The following PADI6 variants were observed in gnomAD, a reference collection of about 807,000 sequenced individuals.
PADI6 encodes peptidyl arginine deiminase 6.
In PADI6, 66 loss-of-function variants were observed where a neutral mutation model predicts 78.2. The observed-to-expected ratio is 0.84, with a 90% CI of 0.69 to 1.04. The LOEUF is 1.04. PADI6 is among the 50% of genes least tolerant of loss of function. The pLI is 0.00. For missense variants in PADI6, 854 were observed against 866.1 expected (o/e 0.99, Z 0.18); for synonymous variants, 397 against 346.9 (o/e 1.14, Z -1.60).
intron 6 of PADI6, among the ~76,000 whole-genome samples, chr1:17,386,789 G>C (rs1156745262): frequency 6.6e-6 from 1 of 152,196 alleles, no homozygotes; most frequent in African/African-American, 2.4e-5. Context: ...AGTCCATCGG[G>C]AGGGCTGCTG....
chr1:17,401,403 C>A lies in PADI6; in HGVS notation c.2050C>A (p.Pro684Thr), dbSNP rs752901541. The stretch of plus-strand genomic sequence containing the variant: ...TGCCTGTGCCAACATCCGCCGGGTG[C>A]CCTTTGCCTTCAAATGGTGGAAGAT... ...ICACANIRRV[P>T]FAFKWWKMVP Residue 684 changes from proline to threonine, a missense_variant, in exon 16 of 16, where the codon CCC (proline) becomes ACC (threonine). Pro to Thr is a conservative substitution (Grantham distance 38, BLOSUM62 -1). Transcript: ENST00000619609. 1 of 1,614,046 alleles carries A rather than the reference C, an allele frequency of 6.2e-7. No individual in the cohort carries two copies. Among genetic ancestry groups the A allele is most frequent in the South Asian group, 1.1e-5 (1 of 91,072 alleles).
At chr1:17,373,029 A>G (rs1385994470) in intron 1 of PADI6, 27 bp from the exon 2 acceptor site, 10 of 1,607,550 alleles carry the variant, frequency 6.2e-6, no homozygotes, top group Non-Finnish European at 8.5e-6. Flanking sequence ...TTGTGCCCTG[A>G]CGCGTGTCTC....
At chr1:17,391,013 T>C (rs1246664845) in intron 8 of PADI6, among the ~76,000 whole-genome samples, 1 of 152,190 alleles carries the variant, frequency 6.6e-6, no homozygotes, top group East Asian at 1.9e-4. Flanking sequence ...TGGCTTTGCA[T>C]AGACCCAAGA....
intron 8 of PADI6, among the ~76,000 whole-genome samples, chr1:17,389,905 C>T (rs2075165730): frequency 6.6e-6 from 1 of 152,188 alleles, no homozygotes; most frequent in Non-Finnish European, 1.5e-5. Flanking sequence ...ACCACGTTGC[C>T]CTTTATTGCA....
chr1:17,389,991 G>C (rs1481492520), intron 8 of PADI6, among the ~76,000 whole-genome samples: 2 of 152,084 alleles, frequency 1.3e-5, no homozygotes, highest in Non-Finnish European at 2.9e-5. Context: ...GCTCTAGCAG[G>C]GATGGGAAAC....
chr1:17,387,465 G>GT (rs1030105639), intron 6 of PADI6, among the ~76,000 whole-genome samples: 1 of 151,284 alleles, frequency 6.6e-6, no homozygotes, highest in Non-Finnish European at 1.5e-5. Flanking sequence ...AGGAGGGGGG[G>GT]GGGCCAGGCG....
In PADI6 at chr1:17,377,740, C is replaced by A. The variant is rs970231321; in HGVS notation, c.368-2180C>A. On this transcript the variant is annotated intron_variant, in intron 3 of 15. Coordinates refer to ENST00000619609, the MANE Select transcript of PADI6 (RefSeq NM_207421.4). ...AACTCGCACTCCCAGTGTGTTCACT[C>A]CGGCTCGAGCCCCCATCCTCTCACC... is the stretch of plus-strand genomic sequence containing the variant. 2.6e-5 allele frequency among the ~76,000 whole-genome samples: 4 copies of A among 152,210 alleles called. No homozygotes were observed. In the East Asian group the frequency reaches 7.7e-4, roughly 29 times the overall value.
chr1:17,391,896 G>A (rs2075188342), intron 8 of PADI6, among the ~76,000 whole-genome samples: 1 of 152,230 alleles, frequency 6.6e-6, no homozygotes, highest in Admixed American at 6.5e-5. Flanking sequence ...TTCCCAACCT[G>A]GCTCTGCCAT....
chr1:17,393,820 C>G (rs112751624), intron 9 of PADI6, among the ~76,000 whole-genome samples, 155 bp from the exon 10 acceptor site: 1 of 152,000 alleles, frequency 6.6e-6, no homozygotes, highest in Non-Finnish European at 1.5e-5. Context: ...AGAGAGGGAT[C>G]GGAGAGCCTT....
intron 6 of PADI6, among the ~76,000 whole-genome samples, chr1:17,386,020 G>A (rs2075115625): frequency 6.6e-6 from 1 of 150,556 alleles, no homozygotes; most frequent in Non-Finnish European, 1.5e-5. Context: ...GGACCCAGCA[G>A]AGGCTGGAGG....
intron 8 of PADI6, among the ~76,000 whole-genome samples, chr1:17,390,531 A>G (rs2075171660): frequency 1.3e-5 from 2 of 150,684 alleles, no homozygotes; most frequent in Admixed American, 1.3e-4. Context: ...TTGAACCCAG[A>G]AGGCGGAGGT....
chr1:17,392,705 C>A (rs1206793445), intron 9 of PADI6, among the ~76,000 whole-genome samples: 1 of 152,194 alleles, frequency 6.6e-6, no homozygotes, highest in Non-Finnish European at 1.5e-5. Flanking sequence ...AAGGATAGAA[C>A]TTTTAAGTGC....
At chr1:17,386,965 T>TG (rs1180151529) in intron 6 of PADI6, among the ~76,000 whole-genome samples, 1 of 152,138 alleles carries the variant, frequency 6.6e-6, no homozygotes, top group African/African-American at 2.4e-5. Context: ...CTGGATCTCT[T>TG]GGGGTTCTAG....
intron 2 of PADI6, among the ~76,000 whole-genome samples, chr1:17,375,218 G>T (rs1476120374): frequency 6.6e-6 from 1 of 152,180 alleles, no homozygotes; most frequent in Non-Finnish European, 1.5e-5. Context: ...CAAGGTTAGG[G>T]TTGGGGGTCA....
Position 17,388,432 on chromosome 1 carries a change from A to G in PADI6, c.731A>G (p.Tyr244Cys), listed in dbSNP as rs1158739717. 9 of 1,613,680 alleles carry G rather than the reference A, an allele frequency of 5.6e-6. No homozygotes were observed. Among genetic ancestry groups the G allele is most frequent in the Non-Finnish European group, 6.8e-6 (8 of 1,179,818 alleles). Residue 244 changes from tyrosine (Y) to cysteine (C), a missense_variant, in exon 7 of 16, where the codon TAT (tyrosine) becomes TGT (cysteine). Transcript: ENST00000619609. Reference sequence around the variant, plus strand: ...GTGCTGGGGCCCGACCAGCACGCCTATACCTTGGCCCTCCTCGGGAACCAC... The same window carrying G: ...GTGCTGGGGCCCGACCAGCACGCCTGTACCTTGGCCCTCCTCGGGAACCAC... ...ELVLGPDQHAYTLALLGNHLK... is the reference protein window; with the variant it reads ...ELVLGPDQHACTLALLGNHLK...
At chr1:17,379,316 G>A (rs938617232) in intron 3 of PADI6, among the ~76,000 whole-genome samples, 4 of 149,386 alleles carry the variant, frequency 2.7e-5, no homozygotes, top group Admixed American at 6.6e-5. Context: ...GGGTTTCACC[G>A]TGTTAGCCAG....
At position 17,395,678 on chromosome 1, in the gene PADI6, T is replaced by G; in HGVS notation, c.1618+15T>G. ...CCTGTCTAATGGTAAGGGAACTCCC[T>G]TTCCACAGAACAGAACTGGGGTCTT... On this transcript the variant is annotated intron_variant, in intron 13 of 15. Coordinates refer to ENST00000619609, the MANE Select transcript of PADI6 (RefSeq NM_207421.4). 6.2e-7 allele frequency: 1 copy of G among 1,607,672 alleles called. No homozygotes were observed. The highest frequency in any genetic ancestry group is 8.5e-7 in the Non-Finnish European group (1 of 1,175,920).
intron 2 of PADI6, among the ~76,000 whole-genome samples, chr1:17,373,943 G>A (rs975777569): frequency 1.3e-5 from 2 of 152,144 alleles, no homozygotes; most frequent in Non-Finnish European, 2.9e-5. Context: ...GGGTGCCTAT[G>A]TTGGGGAGGT....
chr1:17,395,997 C>CT (rs1395983648), intron 13 of PADI6, among the ~76,000 whole-genome samples: 2 of 152,090 alleles, frequency 1.3e-5, no homozygotes, highest in Non-Finnish European at 2.9e-5. Context: ...TATCTAGGGA[C>CT]TGGGACTTTG....
Sources: allele counts gnomAD v4.1 joint callset (sites outside exome capture counted in the v4.1 genomes callset), GRCh38; gene constraint gnomAD v4.1.1; transcripts MANE v1.5; gene names NCBI Gene and HGNC (gene_info 2026-07-23, HGNC 2026-07-21).